Variants in ANK2 observed in about 807,000 individuals in gnomAD.
ANK2 encodes ankyrin-2.
ANK2 carries 83 observed loss-of-function variants against 360.5 expected under a neutral mutation model. That is an observed-to-expected ratio of 0.23 (90% CI 0.19 to 0.28). ANK2 has a LOEUF of 0.28. Ranked by LOEUF, ANK2 falls within the 10% of genes least tolerant of loss-of-function variation. ANK2 has a pLI of 1.00. For missense variants in ANK2, 4,201 were observed against 4,795.7 expected, an observed-to-expected ratio of 0.88 and a Z score of 3.66; for synonymous variants, 1,740 against 1,759.5, an observed-to-expected ratio of 0.99 and a Z score of 0.28.
rs772061281 is a variant in ANK2, at chr4:112,830,541, A to G, written c.-40+12277A>G. Among the ~76,000 whole-genome samples, 3 of 152,192 alleles carry G rather than the reference A, an allele frequency of 2.0e-5. No homozygotes were observed. The South Asian group carries it at 6.2e-4, about 31-fold the overall frequency. ...GGGAGGAGAGTGAAGATTGGTACTT[A>G]TCGGTTACTATGGTTATTACCTGGG... is the stretch of plus-strand genomic sequence containing the variant. On this transcript the variant is annotated intron_variant, in intron 1 of 30. Coordinates refer to the ANK2 transcript ENST00000503271.
intron 2 of ANK2, among the ~76,000 whole-genome samples, 200 bp from the exon 3 acceptor site, chr4:113,196,168 A>C (rs2153387598): frequency 6.6e-6 from 1 of 152,348 alleles, no homozygotes; most frequent in Non-Finnish European, 1.5e-5. Flanking sequence ...TCTAATGAAT[A>C]CTTACCTTAT....
At chr4:113,038,709 C>G (rs903932927) in intron 2 of ANK2, among the ~76,000 whole-genome samples, 1 of 152,076 alleles carries the variant, frequency 6.6e-6, no homozygotes, top group Non-Finnish European at 1.5e-5. Flanking sequence ...CAGGCACTTG[C>G]CATTTCCTGG....
the ANK2 span, among the ~76,000 whole-genome samples, chr4:112,767,060 C>CACTG: frequency 6.6e-6 from 1 of 152,112 alleles, no homozygotes; most frequent in Non-Finnish European, 1.5e-5. Context: ...TTTTGAATAT[C>CACTG]TTATGATGTA....
chr4:112,888,045 C>G (rs1477270519), intron 1 of ANK2, among the ~76,000 whole-genome samples: 1 of 152,070 alleles, frequency 6.6e-6, no homozygotes, highest in African/African-American at 2.4e-5. Flanking sequence ...CATAGCTGTA[C>G]TATAAGGCCT....
chr4:112,978,481 T>G lies in ANK2; in HGVS notation c.21+73967T>G, dbSNP rs548969187. Among the ~76,000 whole-genome samples the G allele has an allele frequency of 2.9e-4, 44 of 152,298 alleles. No individual in the cohort carries two copies. In the Middle Eastern group the frequency reaches 0.01, roughly 35 times the overall value. On this transcript the variant is annotated intron_variant, in intron 2 of 30. Coordinates refer to the ANK2 transcript ENST00000503271. ...TACACATTAAATAGTAAGGCCCAGT[T>G]TCCCGCTTTTCTTAGTCCCTGGAAA...
At chr4:112,945,898 A>G (rs1320272243) in intron 2 of ANK2, among the ~76,000 whole-genome samples, 2 of 152,110 alleles carry the variant, frequency 1.3e-5, no homozygotes, top group African/African-American at 4.8e-5. Flanking sequence ...TCTCATCCAT[A>G]TACTCTGCTA....
chr4:113,380,632 A>G (rs1256266729), intron 45 of ANK2, among the ~76,000 whole-genome samples: 1 of 152,284 alleles, frequency 6.6e-6, no homozygotes, highest in Admixed American at 6.5e-5. Flanking sequence ...AATGCACTCC[A>G]GCCTGGGTGA....
At chr4:113,100,594 C>G (rs372588789) in intron 1 of ANK2, among the ~76,000 whole-genome samples, 19 of 152,058 alleles carry the variant, frequency 1.2e-4, no homozygotes, top group East Asian at 9.6e-4. Flanking sequence ...TAAACACAGT[C>G]TTACTGTACA....
In ANK2 at chr4:113,288,396, C is replaced by G; in HGVS notation, c.2187C>G (p.Tyr729Ter). 6.2e-7 allele frequency: 1 copy of G among 1,613,436 alleles called. No homozygotes were observed. The highest frequency in any genetic ancestry group is 8.5e-7 in the Non-Finnish European group (1 of 1,179,552). The change falls in exon 20 of 46, where the codon TAC becomes TAG. Residue 729 changes from tyrosine (Y) to a stop codon, truncating the protein, a stop_gained. Coordinates refer to ENST00000357077, the MANE Select transcript of ANK2 (RefSeq NM_001148.6). LOFTEE classifies it high-confidence loss of function. ...ADQDAHTKLG[Y>*]TPLIVACHYG... Reference sequence around the variant, plus strand: ...TTTATTATTATTTACAGCTTGGTTACACACCTTTAATTGTGGCCTGTCACT... The same window carrying G: ...TTTATTATTATTTACAGCTTGGTTAGACACCTTTAATTGTGGCCTGTCACT...
chr4:113,214,486 CAATT>C (rs1422762357), intron 4 of ANK2: 2 of 639,434 alleles, frequency 3.1e-6, no homozygotes, highest in Admixed American at 2.5e-5. Context: ...ATCTACAAAT[CAATT>C]AATAAAATAT....
the ANK2 span, chr4:112,798,261 G>A: frequency 2.0e-5 from 3 of 152,136 alleles, no homozygotes; most frequent in African/African-American, 7.2e-5. Context: ...AACCTGACAT[G>A]TGAATGACAG....
At chr4:112,918,507 G>A (rs1182047473) in intron 2 of ANK2, among the ~76,000 whole-genome samples, 4 of 152,128 alleles carry the variant, frequency 2.6e-5, no homozygotes, top group Admixed American at 2.6e-4. Flanking sequence ...AAACATCCAA[G>A]TCCGGACACT....
chr4:113,164,261 A>G (rs906102266), intron 1 of ANK2, among the ~76,000 whole-genome samples: 12 of 152,162 alleles, frequency 7.9e-5, no homozygotes, highest in African/African-American at 2.9e-4. Context: ...TCACATATGT[A>G]TATATATTAG....
intron 26 of ANK2, among the ~76,000 whole-genome samples, chr4:113,329,681 A>C (rs1334323693): frequency 6.6e-6 from 1 of 152,190 alleles, no homozygotes; most frequent in Non-Finnish European, 1.5e-5. Context: ...TAACCAGCAA[A>C]TTAAATTAGT....
intron 2 of ANK2, among the ~76,000 whole-genome samples, chr4:113,019,058 T>C (rs951642854): frequency 5.9e-5 from 9 of 152,198 alleles, no homozygotes; most frequent in Non-Finnish European, 1.0e-4. Context: ...AATGCTTTTA[T>C]TTAAGGTCGT....
At chr4:113,091,188 T>C (rs897139110) in intron 1 of ANK2, among the ~76,000 whole-genome samples, 27 of 152,240 alleles carry the variant, frequency 1.8e-4, no homozygotes, top group African/African-American at 6.5e-4. Flanking sequence ...CTGCTGTTTT[T>C]AAAATACTGC....
intron 4 of ANK2, among the ~76,000 whole-genome samples, chr4:113,200,128 TG>T (rs1357409665): frequency 6.6e-6 from 1 of 152,238 alleles, no homozygotes; most frequent in African/African-American, 2.4e-5. Flanking sequence ...TAATTAGTCA[TG>T]TTTTTTTCCT....
intron 1 of ANK2, among the ~76,000 whole-genome samples, chr4:113,135,911 G>A (rs2096378839): frequency 6.6e-6 from 1 of 152,148 alleles, no homozygotes; most frequent in South Asian, 2.1e-4. Context: ...ATAAATGACT[G>A]CAGATTGCTA....
At chr4:112,824,507 CA>C (rs2057965052) in intron 1 of ANK2, among the ~76,000 whole-genome samples, 1 of 94,646 alleles carries the variant, frequency 1.1e-5, no homozygotes, top group Non-Finnish European at 2.1e-5. Context: ...CCACCTTTAG[CA>C]TTTTTTTTTT....
Sources: allele counts gnomAD v4.1 joint callset (sites outside exome capture counted in the v4.1 genomes callset), GRCh38; gene constraint gnomAD v4.1.1; transcripts MANE v1.5; gene names NCBI Gene and HGNC (gene_info 2026-07-23, HGNC 2026-07-21).